The following PTPN11 variants were observed in gnomAD, a reference collection of about 807,000 sequenced individuals.
PTPN11 encodes the protein tyrosine-protein phosphatase non-receptor type 11.
PTPN11 carries 6 observed loss-of-function variants against 78.8 expected under a neutral mutation model. The observed-to-expected ratio is 0.08, with a 90% CI of 0.04 to 0.15. PTPN11 has a LOEUF of 0.15. Ranked by LOEUF, PTPN11 falls within the 10% of genes least tolerant of loss-of-function variation. The pLI is 1.00. For synonymous variants in PTPN11, 221 were observed against 263.5 expected, an observed-to-expected ratio of 0.84 and a Z score of 1.56; for missense variants, 386 against 744.8, an observed-to-expected ratio of 0.52 and a Z score of 5.61.
At chr12:112,498,223 A>G (rs1264390533) in intron 13 of PTPN11, among the ~76,000 whole-genome samples, 3 of 151,920 alleles carry the variant, frequency 2.0e-5, no homozygotes, top group East Asian at 1.9e-4. Context: ...GGTGGGCACT[A>G]GGCTAGAGCA....
chr12:112,444,435 G>A (rs1161765483), intron 1 of PTPN11, among the ~76,000 whole-genome samples: 2 of 151,730 alleles, frequency 1.3e-5, no homozygotes, highest in Non-Finnish European at 2.9e-5. Flanking sequence ...TCCGCCTCCC[G>A]GGTTCAAGCG....
At chr12:112,497,049 G>C (rs560324420) in intron 13 of PTPN11, among the ~76,000 whole-genome samples, 1 of 151,962 alleles carries the variant, frequency 6.6e-6, no homozygotes, top group East Asian at 1.9e-4. Context: ...GTGTGTGCCT[G>C]TAATCCCAGC....
intron 1 of PTPN11, among the ~76,000 whole-genome samples, chr12:112,423,203 C>T (rs542032877): frequency 1.1e-4 from 16 of 152,166 alleles, no homozygotes; most frequent in South Asian, 4.1e-4. Context: ...TCCATGTTCG[C>T]GAGGAGCACT....
intron 6 of PTPN11, among the ~76,000 whole-genome samples, chr12:112,462,893 C>T (rs2038269484): frequency 6.6e-6 from 1 of 152,040 alleles, no homozygotes; most frequent in Admixed American, 6.6e-5. Flanking sequence ...GTGTATGCAT[C>T]CTGCTTTACT....
chr12:112,436,853 A>G (rs904185742), intron 1 of PTPN11, among the ~76,000 whole-genome samples: 1 of 152,150 alleles, frequency 6.6e-6, no homozygotes, highest in Non-Finnish European at 1.5e-5. Flanking sequence ...ATTGCAAGTT[A>G]GAACTGACTT....
At chr12:112,472,275 A>T (rs1163379934) in intron 6 of PTPN11, among the ~76,000 whole-genome samples, 2 of 152,148 alleles carry the variant, frequency 1.3e-5, no homozygotes, top group African/African-American at 4.8e-5. Context: ...GATGCACATC[A>T]TGGTGTCCTT....
chr12:112,459,328 G>A (rs368659560), intron 6 of PTPN11, among the ~76,000 whole-genome samples: 6 of 152,010 alleles, frequency 3.9e-5, no homozygotes, highest in Non-Finnish European at 7.4e-5. Context: ...GATAGTTATA[G>A]CAGTATACCT....
At chr12:112,498,594 T>A (rs181534406) in intron 13 of PTPN11, among the ~76,000 whole-genome samples, 1 of 152,338 alleles carries the variant, frequency 6.6e-6, no homozygotes, top group Non-Finnish European at 1.5e-5. Context: ...TCTCTCAATC[T>A]TGGGTGTGTG....
intron 1 of PTPN11, among the ~76,000 whole-genome samples, chr12:112,439,091 T>C (rs2037841023): frequency 6.6e-6 from 1 of 152,136 alleles, no homozygotes; most frequent in Non-Finnish European, 1.5e-5. Context: ...TGGGTACTGT[T>C]ACACCTTCCA....
chr12:112,450,556 G>A, intron 3 of PTPN11, 44 bp downstream of exon 3: 1 of 1,570,940 alleles, frequency 6.4e-7, no homozygotes, highest in African/African-American at 1.4e-5. Context: ...GCTCCCTTGT[G>A]CCCTGAGTGT....
At chr12:112,453,162 G>A in intron 3 of PTPN11, 33 bp from the exon 4 acceptor site, 1 of 1,575,638 alleles carries the variant, frequency 6.3e-7, no homozygotes, top group Non-Finnish European at 8.7e-7. Context: ...CCATAGTAGA[G>A]CTAAATTCTT....
At chr12:112,502,567 T>G (rs1010873471) in intron 14 of PTPN11, among the ~76,000 whole-genome samples, 17 of 152,166 alleles carry the variant, frequency 1.1e-4, no homozygotes, top group African/African-American at 3.9e-4. Flanking sequence ...GCCAACATGG[T>G]GAAACCCTGT....
At chr12:112,475,757 C>T (rs2038491854) in intron 7 of PTPN11, among the ~76,000 whole-genome samples, 1 of 152,096 alleles carries the variant, frequency 6.6e-6, no homozygotes, top group Non-Finnish European at 1.5e-5. Context: ...GAAACATAGT[C>T]TTTCTCTTTC....
At chr12:112,420,338 C>A (rs1309086621) in intron 1 of PTPN11, among the ~76,000 whole-genome samples, 1 of 151,772 alleles carries the variant, frequency 6.6e-6, no homozygotes, top group Non-Finnish European at 1.5e-5. Context: ...ATGAGATTTT[C>A]TTTTCTTTTT....
intron 6 of PTPN11, among the ~76,000 whole-genome samples, chr12:112,465,392 G>A (rs1343037857): frequency 6.7e-6 from 1 of 150,104 alleles, no homozygotes; most frequent in East Asian, 2.0e-4. Context: ...CTGAGATTGT[G>A]CCACTGCACT....
At chr12:112,490,619 CT>C (rs2038734148) in intron 13 of PTPN11, among the ~76,000 whole-genome samples, 1 of 151,728 alleles carries the variant, frequency 6.6e-6, no homozygotes, top group Admixed American at 6.6e-5. Context: ...ATTTTTTTAT[CT>C]TTATTTTGTA....
intron 1 of PTPN11, among the ~76,000 whole-genome samples, chr12:112,432,403 C>T (rs1205151183): frequency 6.6e-6 from 1 of 152,162 alleles, no homozygotes. Flanking sequence ...CAGTGGCTCT[C>T]ACCTGCAATC....
intron 1 of PTPN11, among the ~76,000 whole-genome samples, chr12:112,435,943 G>T (rs1000573440): frequency 6.6e-6 from 1 of 152,140 alleles, no homozygotes; most frequent in African/African-American, 2.4e-5. Context: ...CCAGCACTTT[G>T]GGAGGCTGAG....
At chr12:112,442,222 A>G (rs1028245530) in intron 1 of PTPN11, among the ~76,000 whole-genome samples, 2 of 152,148 alleles carry the variant, frequency 1.3e-5, no homozygotes, top group Admixed American at 6.6e-5. Flanking sequence ...AGTACAAATA[A>G]TTCGTGTTAA....
Sources: gnomAD v4.1 joint callset for allele counts (sites outside exome capture counted in the v4.1 genomes callset) on GRCh38, gnomAD v4.1.1 for gene constraint, MANE v1.5 for transcripts, NCBI Gene and HGNC (gene_info 2026-07-23, HGNC 2026-07-21) for gene names.